The following KRABD3 variants were observed in gnomAD, a reference collection of about 807,000 sequenced individuals.
KRABD3 encodes KRAB domain-containing protein 3.
chr7:149,723,897 C>A, the KRABD3 span: 26 of 1,612,328 alleles, frequency 1.6e-5, no homozygotes, highest in Non-Finnish European at 2.0e-5. Context: ...GAGGTAAAGG[C>A]TTCTCGCTGG....
At chr7:149,725,305 C>A in the KRABD3 span, 1 of 1,570,236 alleles carries the variant, frequency 6.4e-7, no homozygotes, top group Non-Finnish European at 8.6e-7. Flanking sequence ...GGTGCTCTCT[C>A]CTGTTCCAGC....
chr7:149,733,072 C>A, the KRABD3 span: 2 of 1,075,824 alleles, frequency 1.9e-6, no homozygotes, highest in Non-Finnish European at 2.7e-6. Context: ...TCAGGCCTCA[C>A]CCACCTTCCT....
At chr7:149,733,287 A>C in the KRABD3 span, 3 of 1,612,560 alleles carry the variant, frequency 1.9e-6, no homozygotes, top group Admixed American at 1.7e-5. Flanking sequence ...CCCCCTCCGG[A>C]AGCTGCGCCT....
chr7:149,725,225 GA>G, the KRABD3 span: 2 of 1,336,796 alleles, frequency 1.5e-6, no homozygotes, highest in Non-Finnish European at 2.0e-6. Flanking sequence ...CACCCCTGTA[GA>G]AAGCACGTCG....
the KRABD3 span, among the ~76,000 whole-genome samples, chr7:149,716,255 G>A: frequency 6.6e-6 from 1 of 152,234 alleles, no homozygotes; most frequent in Non-Finnish European, 1.5e-5. Context: ...CAGTTTTTGT[G>A]CTGGGCTAGT....
At chr7:149,719,933 C>A in the KRABD3 span, 1 of 1,465,326 alleles carries the variant, frequency 6.8e-7, no homozygotes, top group Non-Finnish European at 9.0e-7. The surrounding 1 kb of genome is among the most constrained non-coding windows in gnomAD (Gnocchi z 5.6). Flanking sequence ...CTGCAGGGGC[C>A]TGGGCTGCTA....
chr7:149,720,813 G>A, the KRABD3 span: 1 of 1,565,212 alleles, frequency 6.4e-7, no homozygotes, highest in Admixed American at 1.9e-5. Context: ...GGTGCGGGGG[G>A]GTCACTGTGG....
At chr7:149,730,041 C>T in the KRABD3 span, 16 of 1,401,572 alleles carry the variant, frequency 1.1e-5, no homozygotes, top group Admixed American at 2.5e-4. Flanking sequence ...GCATGCTGAT[C>T]GTGGGCTGAG....
chr7:149,725,175 T>G, the KRABD3 span: 1 of 841,452 alleles, frequency 1.2e-6, no homozygotes, highest in South Asian at 2.0e-5. Flanking sequence ...ACAGAAGGGT[T>G]TCCTGCCTGG....
At chr7:149,719,436 T>G in the KRABD3 span, 1 of 1,146,460 alleles carries the variant, frequency 8.7e-7, no homozygotes, top group African/African-American at 1.6e-5. The surrounding 1 kb of genome is among the most constrained non-coding windows in gnomAD (Gnocchi z 5.6). Context: ...CCCTGGCTAT[T>G]ATCCTGGAGT....
At chr7:149,720,922 G>C in the KRABD3 span, 1 of 1,613,604 alleles carries the variant, frequency 6.2e-7, no homozygotes, top group Non-Finnish European at 8.5e-7. Flanking sequence ...GAAGTCAAGG[G>C]CGCTATGGAC....
the KRABD3 span, chr7:149,724,816 G>A: frequency 1.9e-6 from 3 of 1,596,452 alleles, no homozygotes; most frequent in African/African-American, 1.3e-5. Context: ...CACCAGAGGG[G>A]TCCCCCAACC....
At chr7:149,728,964 G>T in the KRABD3 span, among the ~76,000 whole-genome samples, 2 of 152,302 alleles carry the variant, frequency 1.3e-5, no homozygotes, top group South Asian at 4.1e-4. Flanking sequence ...CTTGGTGTCT[G>T]GGCACCAGTC....
chr7:149,733,700 C>G, the KRABD3 span: 1 of 1,582,126 alleles, frequency 6.3e-7, no homozygotes, highest in Non-Finnish European at 8.6e-7. Flanking sequence ...TCCGCTGCCT[C>G]CAGACGCTCC....
At chr7:149,728,594 C>T in the KRABD3 span, 146 of 1,613,734 alleles carry the variant, frequency 9.0e-5, 5 homozygotes, top group South Asian at 1.3e-3. Context: ...GCCTGTGCTG[C>T]GGCCTGCCTG....
At chr7:149,727,543 C>T in the KRABD3 span, among the ~76,000 whole-genome samples, 4 of 152,370 alleles carry the variant, frequency 2.6e-5, no homozygotes, top group East Asian at 7.7e-4. Flanking sequence ...AGCATCTATA[C>T]ATGCCCCCTC....
At chr7:149,718,205 A>C in the KRABD3 span, among the ~76,000 whole-genome samples, 1 of 152,278 alleles carries the variant, frequency 6.6e-6, no homozygotes, top group East Asian at 2.0e-4. Context: ...CCAGGAGTTC[A>C]AGACTGGCCT....
the KRABD3 span, among the ~76,000 whole-genome samples, chr7:149,732,180 A>C: frequency 6.6e-6 from 1 of 152,164 alleles, no homozygotes; most frequent in Admixed American, 6.5e-5. The surrounding 1 kb of genome is among the most constrained non-coding windows in gnomAD (Gnocchi z 4.0). Context: ...GGACAGCCCC[A>C]CACCAGGAAC....
the KRABD3 span, chr7:149,714,992 G>T: frequency 1.7e-6 from 2 of 1,206,688 alleles, no homozygotes; most frequent in Non-Finnish European, 2.1e-6. Context: ...GACGAGGGTC[G>T]CGTGCGCCCG....
Sources: gnomAD v4.1 joint callset for allele counts (sites outside exome capture counted in the v4.1 genomes callset) on GRCh38, gnomAD v4.1.1 for gene constraint, Gnocchi (gnomAD v3.1) non-coding constraint, MANE v1.5 for transcripts, NCBI Gene and HGNC (gene_info 2026-07-23, HGNC 2026-07-21) for gene names.